DNAJC3: variants seen among roughly 807,000 people sequenced by gnomAD.
The protein encoded by DNAJC3 is DnaJ heat shock protein family (Hsp40) member C3, also known as dnaJ homolog subfamily C member 3.
In DNAJC3, 38 loss-of-function variants were observed where a neutral mutation model predicts 68.6. The observed-to-expected ratio is 0.55, with a 90% CI of 0.43 to 0.73. The LOEUF (loss-of-function observed/expected upper bound fraction) is 0.73, where lower values mean the gene tolerates loss of function less well. Among genes scored for constraint, DNAJC3 ranks in the 30% least tolerant of loss-of-function variants. DNAJC3 has a pLI of 0.00. For missense variants in DNAJC3, 526 were observed against 591.9 expected (o/e 0.89, Z 1.16); for synonymous variants, 203 against 204.0 (o/e 1.00, Z 0.04).
At chr13:95,709,170 T>C in intron 1 of DNAJC3, 57 bp from the exon 2 acceptor site, 1 of 1,234,228 alleles carries the variant, frequency 8.1e-7, no homozygotes, top group Non-Finnish European at 1.1e-6. Flanking sequence ...TTATATTTTT[T>C]AGAATTAAAT....
intron 4 of DNAJC3, among the ~76,000 whole-genome samples, chr13:95,738,652 C>CT (rs1290784962): frequency 2.0e-5 from 3 of 152,102 alleles, no homozygotes; most frequent in Admixed American, 6.5e-5. Flanking sequence ...CAACCCCTGC[C>CT]TTTTTTTGTT....
intron 1 of DNAJC3, among the ~76,000 whole-genome samples, chr13:95,696,616 T>C (rs929438019): frequency 3.3e-5 from 5 of 152,240 alleles, no homozygotes; most frequent in African/African-American, 4.8e-5. Flanking sequence ...TTTTATCTGA[T>C]ATAAGAATGT....
chr13:95,693,877 G>T (rs761752871), intron 1 of DNAJC3: 3 of 151,956 alleles, frequency 2.0e-5, no homozygotes, highest in African/African-American at 7.3e-5. Context: ...ACAGACCCAC[G>T]TTACAGCCTC....
chr13:95,781,192 G>A (rs1409483926), intron 9 of DNAJC3, among the ~76,000 whole-genome samples: 2 of 152,064 alleles, frequency 1.3e-5, no homozygotes, highest in Non-Finnish European at 2.9e-5. Context: ...AGAGGTTTGC[G>A]TGTCCTACAG....
chr13:95,733,116 G>A (rs1881769176), intron 4 of DNAJC3, among the ~76,000 whole-genome samples: 1 of 152,058 alleles, frequency 6.6e-6, no homozygotes, highest in Admixed American at 6.6e-5. Flanking sequence ...TACTGTTTTA[G>A]GGTAACATGT....
At chr13:95,779,213 C>T (rs1883373751) in intron 9 of DNAJC3, among the ~76,000 whole-genome samples, 1 of 150,398 alleles carries the variant, frequency 6.6e-6, no homozygotes, top group South Asian at 2.1e-4. Context: ...CAAGCTCCGC[C>T]TCCCGGGTTC....
intron 1 of DNAJC3, among the ~76,000 whole-genome samples, chr13:95,684,267 A>G (rs1880009770): frequency 6.6e-6 from 1 of 152,166 alleles, no homozygotes; most frequent in African/African-American, 2.4e-5. Flanking sequence ...ACTGGAGTAA[A>G]GGCCACTCTT....
intron 2 of DNAJC3, among the ~76,000 whole-genome samples, chr13:95,718,857 T>A (rs1190086263): frequency 2.6e-5 from 4 of 152,234 alleles, no homozygotes; most frequent in East Asian, 3.8e-4. Flanking sequence ...CAAGTAATCC[T>A]ACAGATTCTT....
intron 9 of DNAJC3, among the ~76,000 whole-genome samples, chr13:95,768,893 T>G (rs187503321): frequency 1.6e-3 from 240 of 152,190 alleles, no homozygotes; most frequent in African/African-American, 5.5e-3. Context: ...GAGAATCACT[T>G]GAACTCAGGA....
At chr13:95,680,134 A>G (rs937760624) in intron 1 of DNAJC3, among the ~76,000 whole-genome samples, 1 of 152,224 alleles carries the variant, frequency 6.6e-6, no homozygotes, top group Non-Finnish European at 1.5e-5. Flanking sequence ...TTCTCATGTT[A>G]CAGATAAGGA....
chr13:95,789,775 G>A (rs1883709755), intron 11 of DNAJC3, among the ~76,000 whole-genome samples: 1 of 131,746 alleles, frequency 7.6e-6, no homozygotes, highest in Non-Finnish European at 1.8e-5. Flanking sequence ...TAGTGTATAA[G>A]CGTTCCTTTT....
intron 1 of DNAJC3, among the ~76,000 whole-genome samples, chr13:95,707,547 C>T (rs1247968666): frequency 6.6e-6 from 1 of 152,084 alleles, no homozygotes; most frequent in Non-Finnish European, 1.5e-5. Flanking sequence ...TGCACTGAAG[C>T]CCAAGGCCAT....
At chr13:95,736,893 T>A (rs1447586713) in intron 4 of DNAJC3, among the ~76,000 whole-genome samples, 1 of 149,540 alleles carries the variant, frequency 6.7e-6, no homozygotes, top group Middle Eastern at 3.4e-3. Context: ...ATCCCTGTCT[T>A]GTGCCAGTTT....
intron 2 of DNAJC3, among the ~76,000 whole-genome samples, chr13:95,711,544 A>G (rs1241732747): frequency 6.6e-6 from 1 of 152,094 alleles, no homozygotes; most frequent in Non-Finnish European, 1.5e-5. Context: ...GAGACATGGC[A>G]TAATTATAAG....
At chr13:95,790,549 T>C (rs1411041338) in intron 11 of DNAJC3, among the ~76,000 whole-genome samples, 1 of 152,204 alleles carries the variant, frequency 6.6e-6, no homozygotes, top group Non-Finnish European at 1.5e-5. Context: ...TGGAAGTTTC[T>C]CTTGAATTAT....
In DNAJC3 at chr13:95,785,885, AG is replaced by A. The variant is rs1477606779; in HGVS notation, c.1076-52del. ...AGCATCAATTTTACAGGATAAGAAA[AG>A]GCAATAAATTATAATTTGCCTTAAC... On this transcript the variant is annotated intron_variant, in intron 9 of 11. Coordinates refer to ENST00000602402, the MANE Select transcript of DNAJC3 (RefSeq NM_006260.5). 4.0e-6 allele frequency: 6 copies of A among 1,483,688 alleles called. No individual in the cohort carries two copies. The African/African-American group carries it at 8.6e-5, about 21-fold the overall frequency. 91.9% of individuals were successfully genotyped at this position (1,483,688 alleles called of 1,614,324 possible).
chr13:95,764,927 C>T (rs1366128090), intron 9 of DNAJC3, among the ~76,000 whole-genome samples: 2 of 151,568 alleles, frequency 1.3e-5, no homozygotes, highest in East Asian at 1.9e-4. Context: ...TTTTCTCTTA[C>T]AGTTAAATGA....
intron 4 of DNAJC3, among the ~76,000 whole-genome samples, chr13:95,752,318 T>C (rs1423786437): frequency 6.6e-6 from 1 of 152,242 alleles, no homozygotes; most frequent in East Asian, 1.9e-4. Context: ...TACATGTTAA[T>C]GTATTTTTTG....
chr13:95,725,751 G>A (rs1881489527), intron 4 of DNAJC3, among the ~76,000 whole-genome samples: 1 of 149,600 alleles, frequency 6.7e-6, no homozygotes, highest in African/African-American at 2.5e-5. Context: ...GTATACATGT[G>A]CCATGTTGGT....
Sources: allele counts gnomAD v4.1 joint callset (sites outside exome capture counted in the v4.1 genomes callset), GRCh38; gene constraint gnomAD v4.1.1; transcripts MANE v1.5; gene names NCBI Gene and HGNC (gene_info 2026-07-23, HGNC 2026-07-21).